The following SDHA variants were observed in gnomAD, a reference collection of about 807,000 sequenced individuals.
SDHA encodes succinate dehydrogenase [ubiquinone] flavoprotein subunit, mitochondrial.
SDHA carries 48 observed loss-of-function variants against 78.4 expected under a neutral mutation model. The observed-to-expected ratio is 0.61, with a 90% CI of 0.49 to 0.78. SDHA has a LOEUF of 0.78. Among genes scored for constraint, SDHA ranks in the 30% least tolerant of loss-of-function variants. The probability of loss-of-function intolerance (pLI) is 0.00; values close to 1 mark genes in which losing one functional copy is unlikely to be tolerated. For missense variants in SDHA, 680 were observed against 892.7 expected (o/e 0.76, Z 3.04); for synonymous variants, 326 against 353.9 (o/e 0.92, Z 0.88).
intron 5 of SDHA, 129 bp from the exon 6 acceptor site, chr5:228,056 G>GCTGA (rs1735152174): frequency 1.1e-6 from 1 of 894,578 alleles, no homozygotes; most frequent in Non-Finnish European, 1.8e-6. Context: ...TGACACTGTT[G>GCTGA]CTGATCTCCT....
intron 10 of SDHA, among the ~76,000 whole-genome samples, chr5:238,601 C>T (rs1735933663): frequency 6.6e-6 from 1 of 152,274 alleles, no homozygotes; most frequent in East Asian, 1.9e-4. Flanking sequence ...AACTCCTGGC[C>T]TCAAGTGTTC....
At chr5:231,921 C>CT (rs1393029803) in intron 7 of SDHA, among the ~76,000 whole-genome samples, 1 of 152,146 alleles carries the variant, frequency 6.6e-6, no homozygotes, top group African/African-American at 2.4e-5. Context: ...TTGGGGACGT[C>CT]TGACGGTTGA....
intron 1 of SDHA, 77 bp from the exon 2 acceptor site, chr5:223,405 G>A: frequency 9.3e-7 from 1 of 1,077,934 alleles, no homozygotes; most frequent in Non-Finnish European, 1.4e-6. Flanking sequence ...CAGTTTGCAA[G>A]GGGAAATTAC....
At chr5:252,766 C>G (rs1262412711) in intron 13 of SDHA, among the ~76,000 whole-genome samples, 3 of 140,224 alleles carry the variant, frequency 2.1e-5, no homozygotes, top group African/African-American at 8.4e-5. Context: ...CATACCTGCC[C>G]TGTGGAGGAA....
At chr5:259,786 TC>T (rs2126654637), downstream of SDHA, among the ~76,000 whole-genome samples, 1 of 32,172 alleles carries the variant, frequency 3.1e-5, no homozygotes, top group East Asian at 5.9e-4. Context: ...GAGCTCCGCC[TC>T]CCGCCAGAGC....
chr5:221,184 G>T (rs1187404004), intron 1 of SDHA, among the ~76,000 whole-genome samples: 1 of 152,162 alleles, frequency 6.6e-6, no homozygotes, highest in Non-Finnish European at 1.5e-5. Flanking sequence ...ATTACACGCA[G>T]TTGTAAAAGA....
intron 8 of SDHA, chr5:233,851 C>T (rs1432550350): frequency 9.1e-6 from 5 of 551,482 alleles, no homozygotes; most frequent in Non-Finnish European, 1.6e-5. Context: ...TTTCTCAAAT[C>T]TGTGGAACAG....
the SDHA span, among the ~76,000 whole-genome samples, chr5:264,545 C>T: frequency 0.058 from 8,822 of 152,258 alleles, 320 homozygotes; most frequent in Admixed American, 0.12. Flanking sequence ...TAATCCAGGA[C>T]ATGCTCCTGC....
chr5:226,666 C>T (rs1044108411), intron 5 of SDHA, among the ~76,000 whole-genome samples: 12 of 150,600 alleles, frequency 8.0e-5, no homozygotes, highest in African/African-American at 2.2e-4. Flanking sequence ...CGGTGGCTCA[C>T]GCCTGTAATC....
chr5:222,206 G>A (rs1734756179), intron 1 of SDHA, among the ~76,000 whole-genome samples: 1 of 152,020 alleles, frequency 6.6e-6, no homozygotes, highest in Non-Finnish European at 1.5e-5. Context: ...TAAAAACAGA[G>A]ACTAGAAATT....
Position 251,486 on chromosome 5 carries a change from G to C in SDHA, c.1794+18G>C. 6.2e-7 allele frequency: 1 copy of C among 1,613,744 alleles called. No homozygotes were observed. Among genetic ancestry groups the C allele is most frequent in the African/African-American group, 1.3e-5 (1 of 75,034 alleles). On this transcript the variant is annotated intron_variant, in intron 13 of 14. Coordinates refer to ENST00000264932, the MANE Select transcript of SDHA (RefSeq NM_004168.4). ...ACTACAAGGTGGGCCTTCTCACCACGCCCACCTGCACCTGCCTTTTCCTGC... is the reference window on the plus strand; with the variant it reads ...ACTACAAGGTGGGCCTTCTCACCACCCCCACCTGCACCTGCCTTTTCCTGC...
At chr5:229,649 G>A (rs1436326384) in intron 6 of SDHA, among the ~76,000 whole-genome samples, 1 of 152,234 alleles carries the variant, frequency 6.6e-6, no homozygotes, top group African/African-American at 2.4e-5. Context: ...ACAAGGTGAA[G>A]TTCTGAAGGT....
intron 11 of SDHA, 21 bp downstream of exon 11, chr5:240,497 T>C: frequency 6.7e-7 from 1 of 1,493,160 alleles, no homozygotes; most frequent in Non-Finnish European, 9.3e-7. Context: ...GGACTCGCTC[T>C]GGAGTGAGCA....
Position 218,343 on chromosome 5 carries a change from G to A in SDHA, c.-13G>A, listed in dbSNP as rs748423010. On this transcript the variant is annotated 5_prime_UTR_variant, in exon 1 of 15. Coordinates refer to ENST00000264932, the MANE Select transcript of SDHA (RefSeq NM_004168.4). ...GCAGGGACTGGCGGGACTGCGCGGC[G>A]GCAACAGCAGACATGTCGGGGGTCC... 2.1e-6 allele frequency: 3 copies of A among 1,449,088 alleles called. No homozygotes were observed. Among genetic ancestry groups the A allele is most frequent in the East Asian group, 2.8e-5 (1 of 35,854 alleles). 89.8% of individuals were successfully genotyped at this position (1,449,088 alleles called of 1,614,324 possible).
At chr5:225,715 G>A in intron 4 of SDHA, 153 bp downstream of exon 4, 1 of 1,332,172 alleles carries the variant, frequency 7.5e-7, no homozygotes, top group African/African-American at 1.5e-5. Context: ...TATGAACTAT[G>A]CATTATATGT....
chr5:236,454 T>A lies in SDHA; in HGVS notation c.1287T>A (p.Asp429Glu), dbSNP rs2126589469. The A allele has an allele frequency of 1.2e-6, 2 of 1,613,888 alleles. No homozygotes were observed. Among genetic ancestry groups the A allele is most frequent in the Non-Finnish European group, 1.7e-6 (2 of 1,179,798 alleles). ...GQVLRHVNGQ[D>E]QIVPGLYACG... ...TCCTGAGGCACGTGAATGGCCAGGA[T>A]CAGATTGTGCCCGGCCTGTACGCCT... The change falls in exon 10 of 15, where the codon GAT (aspartate) becomes GAA (glutamate). Residue 429 changes from aspartate to glutamate, a missense_variant. By Grantham distance (45) the Asp-to-Glu change is conservative. Coordinates refer to ENST00000264932, the MANE Select transcript of SDHA (RefSeq NM_004168.4).
the SDHA span, among the ~76,000 whole-genome samples, chr5:263,410 C>G: frequency 1.3e-5 from 2 of 152,130 alleles, no homozygotes; most frequent in African/African-American, 4.8e-5. Context: ...CACGCAGCAG[C>G]TTGAATAAAT....
At chr5:230,510 C>T (rs1291921367) in intron 6 of SDHA, among the ~76,000 whole-genome samples, 1 of 152,182 alleles carries the variant, frequency 6.6e-6, no homozygotes, top group Non-Finnish European at 1.5e-5. Context: ...ACTGTAATCC[C>T]AGCTACTCGG....
chr5:230,257 A>G (rs751356983), intron 6 of SDHA, among the ~76,000 whole-genome samples: 1 of 152,200 alleles, frequency 6.6e-6, no homozygotes, highest in Non-Finnish European at 1.5e-5. Flanking sequence ...AAAAAAATCC[A>G]TAAAAATTTT....
Sources: allele counts gnomAD v4.1 joint callset (sites outside exome capture counted in the v4.1 genomes callset), GRCh38; gene constraint gnomAD v4.1.1; transcripts MANE v1.5; gene names NCBI Gene and HGNC (gene_info 2026-07-23, HGNC 2026-07-21).